The following TMPRSS3 variants were observed in gnomAD, a reference collection of about 807,000 sequenced individuals.
The protein encoded by TMPRSS3 is transmembrane serine protease 3, also known as transmembrane protease serine 3.
A neutral mutation model predicts 59.6 loss-of-function variants in TMPRSS3; 55 were observed. The observed-to-expected ratio is 0.92, with a 90% confidence interval of 0.74 to 1.16. The LOEUF is 1.16. Ranked by LOEUF, TMPRSS3 falls within the 50% of genes most tolerant of loss-of-function variation. TMPRSS3 has a pLI of 0.00. For synonymous variants in TMPRSS3, 257 were observed against 237.7 expected, an observed-to-expected ratio of 1.08 and a Z score of -0.75; for missense variants, 596 against 579.4, an observed-to-expected ratio of 1.03 and a Z score of -0.29.
intron 12 of TMPRSS3, among the ~76,000 whole-genome samples, chr21:42,374,012 T>C (rs1365786854): frequency 6.6e-6 from 1 of 152,200 alleles, no homozygotes; most frequent in Non-Finnish European, 1.5e-5. Flanking sequence ...AAGGCCTCCA[T>C]GTACTGCAGA....
In TMPRSS3 at chr21:42,388,477, C is replaced by T. The variant is rs141682398; in HGVS notation, c.372G>A (p.Ser124=). The T allele has an allele frequency of 8.8e-5, 142 of 1,614,216 alleles. No individual in the cohort carries two copies. The highest frequency in any genetic ancestry group is 1.6e-4 in the Middle Eastern group (1 of 6,062). Residue 124 remains serine (S), a synonymous_variant, in exon 5 of 13, where the codon TCG becomes TCA. Coordinates refer to ENST00000644384, the MANE Select transcript of TMPRSS3 (RefSeq NM_001256317.3). The surrounding 1 kb of genome is among the most constrained non-coding windows in gnomAD (Gnocchi z 5.1). ...NAVLQVFTAA[S]WKTMCSDDWK... is the part of the protein sequence containing the mutation. The stretch of plus-strand genomic sequence containing the variant: ...AGTCATCGGAGCACATGGTCTTCCA[C>T]GAAGCAGCTGTGAACACCTGGAGCA...
intron 12 of TMPRSS3, among the ~76,000 whole-genome samples, chr21:42,373,679 G>A (rs2052373117): frequency 1.3e-5 from 2 of 152,216 alleles, no homozygotes; most frequent in African/African-American, 2.4e-5. Context: ...GTCACACTGG[G>A]GCCACGTCGG....
In TMPRSS3 at chr21:42,372,684, C is replaced by G. The variant is rs1211097106; in HGVS notation, c.*78G>C. ...AAGGGTGTCTGCTCGTGTGCAGGTTCCTACACGGGAGTCCAGGGGAGGATC... is the reference window on the plus strand; with the variant it reads ...AAGGGTGTCTGCTCGTGTGCAGGTTGCTACACGGGAGTCCAGGGGAGGATC... On this transcript the variant is annotated 3_prime_UTR_variant, in exon 13 of 13. Transcript: ENST00000644384. The G allele has an allele frequency of 6.6e-7, 1 of 1,504,254 alleles. No individual in the cohort carries two copies. 93.2% of individuals were successfully genotyped at this position (1,504,254 alleles called of 1,614,324 possible).
At chr21:42,386,780 AT>A (rs60370949) in intron 5 of TMPRSS3, among the ~76,000 whole-genome samples, 60,680 of 135,590 alleles carry the variant, frequency 0.45, 13,441 homozygotes, top group African/African-American at 0.65. Context: ...TCCTTTGGTT[AT>A]TTATTTATTT....
At chr21:42,395,546 A>G (rs2052794030) in intron 1 of TMPRSS3, 78 bp from the exon 2 acceptor site, 4 of 841,422 alleles carry the variant, frequency 4.8e-6, no homozygotes, top group Admixed American at 2.0e-5. Context: ...TCATACGGTA[A>G]ATCTTTGAAA....
intron 10 of TMPRSS3, among the ~76,000 whole-genome samples, chr21:42,377,888 G>T (rs1214778063): frequency 1.3e-5 from 2 of 152,250 alleles, no homozygotes; most frequent in African/African-American, 4.8e-5. Context: ...CTTTTGCACT[G>T]GACAGAGCAG....
In TMPRSS3 at chr21:42,388,105, G is replaced by A. The variant is rs2052665297; in HGVS notation, c.446+298C>T. ...AGGAGCTGGAGGGTTTTTTGGTTTT[G>A]TTTTTGTTTTCTACTTTGAAACTTT... On this transcript the variant is annotated intron_variant, in intron 5 of 12. Transcript: ENST00000644384. This position sits in a 1 kb window ranked among gnomAD's most constrained non-coding sequence, Gnocchi z 5.1. Among the ~76,000 whole-genome samples the A allele has an allele frequency of 6.6e-6, 1 of 152,158 alleles. No homozygotes were observed. The highest frequency in any genetic ancestry group is 6.5e-5 in the Admixed American group (1 of 15,286).
At chr21:42,383,866 G>T in intron 7 of TMPRSS3, 104 bp downstream of exon 7, 1 of 1,254,214 alleles carries the variant, frequency 8.0e-7, no homozygotes, top group Non-Finnish European at 1.2e-6. Flanking sequence ...CACCCAGGAG[G>T]AAGGGATACA....
In TMPRSS3 at chr21:42,380,187, G is replaced by C. The variant is rs1430677131; in HGVS notation, c.978C>G (p.Pro326=). 5 of 1,613,952 alleles carry C rather than the reference G, an allele frequency of 3.1e-6. No homozygotes were observed. The African/African-American group carries it at 5.3e-5, about 17-fold the overall frequency. The change falls in exon 10 of 13, where the codon CCC becomes CCG. Residue 326 remains proline (P), a synonymous_variant. Transcript: ENST00000644384. The stretch of plus-strand genomic sequence containing the variant: ...CATCGGGGAAGTTCTCTTCAGAGTT[G>C]GGCAGGCACACAGGCTGGATCATTT... ...FNEMIQPVCL[P]NSEENFPDGK...
At chr21:42,382,760 G>T in intron 8 of TMPRSS3, 2 of 534,424 alleles carry the variant, frequency 3.7e-6, no homozygotes, top group South Asian at 2.0e-5. Flanking sequence ...TTTCATTTTT[G>T]TGGGTTTCCT....
intron 5 of TMPRSS3, 82 bp from the exon 6 acceptor site, chr21:42,385,616 A>G (rs1413469799): frequency 7.7e-6 from 12 of 1,551,752 alleles, no homozygotes; most frequent in Admixed American, 1.7e-5. Context: ...TCACAATATT[A>G]CAGGGATTGT....
intron 2 of TMPRSS3, among the ~76,000 whole-genome samples, chr21:42,394,419 CA>C (rs1439031292): frequency 4.6e-5 from 7 of 152,090 alleles, no homozygotes; most frequent in African/African-American, 4.8e-5. Flanking sequence ...CACATACGGG[CA>C]AAAGCAGGAA....
At chr21:42,385,893 G>A (rs1053402451) in intron 5 of TMPRSS3, among the ~76,000 whole-genome samples, 1 of 152,134 alleles carries the variant, frequency 6.6e-6, no homozygotes, top group African/African-American at 2.4e-5. Flanking sequence ...AGTCCAGAGG[G>A]GAGGTGAGCA....
chr21:42,380,512 G>A (rs1356019700), intron 9 of TMPRSS3, among the ~76,000 whole-genome samples: 3 of 152,356 alleles, frequency 2.0e-5, no homozygotes, highest in Non-Finnish European at 4.4e-5. Context: ...TTCGTGGGCT[G>A]TGCGGTCTCT....
chr21:42,373,014 G>A (rs917650819), intron 12 of TMPRSS3, among the ~76,000 whole-genome samples: 12 of 152,146 alleles, frequency 7.9e-5, no homozygotes, highest in African/African-American at 2.2e-4. Flanking sequence ...CGACAGTTCC[G>A]TCACTTCCGT....
chr21:42,393,014 C>T (rs771837209), intron 2 of TMPRSS3, among the ~76,000 whole-genome samples: 5 of 152,184 alleles, frequency 3.3e-5, no homozygotes, highest in African/African-American at 4.8e-5. Flanking sequence ...ATGCAAATGG[C>T]GCACAAGTAT....
Position 42,388,263 on chromosome 21 carries a change from C to G in TMPRSS3, c.446+140G>C. 1 of 1,158,660 alleles carries G rather than the reference C, an allele frequency of 8.6e-7. No homozygotes were observed. The highest frequency in any genetic ancestry group is 1.3e-6 in the Non-Finnish European group (1 of 790,944). The allele number at this position is 1,158,660 out of a possible 1,614,324, so 71.8% of individuals were successfully genotyped here. Reference sequence around the variant, plus strand: ...CTTGCCTGTGAAGTGAGGATGATATCGGGCATCCTAAGGTGGATGTGAGGA... The same window carrying G: ...CTTGCCTGTGAAGTGAGGATGATATGGGGCATCCTAAGGTGGATGTGAGGA... On this transcript the variant is annotated intron_variant, in intron 5 of 12. Coordinates refer to ENST00000644384, the MANE Select transcript of TMPRSS3 (RefSeq NM_001256317.3). The surrounding 1 kb of genome is among the most constrained non-coding windows in gnomAD (Gnocchi z 5.1).
intron 7 of TMPRSS3, chr21:42,383,485 C>G: frequency 1.8e-6 from 1 of 555,888 alleles, no homozygotes; most frequent in South Asian, 2.0e-5. Flanking sequence ...CCTATTCCCC[C>G]AGTGATGACA....
At position 42,375,857 on chromosome 21, in the gene TMPRSS3, C is replaced by T. The variant is rs1165268327; in HGVS notation, c.1203G>A (p.Gly401=). The change falls in exon 12 of 13, where the codon GGG becomes GGA. Residue 401 remains glycine, a synonymous_variant. Transcript: ENST00000644384. ...GGVDSCQGDS[G]GPLVCQERRL... ...TCCTCTCTTGACACACCAGGGGCCC[C>T]CCGCTGTCCCCCTGGGTGACAGGAA... The T allele has an allele frequency of 2.5e-6, 4 of 1,613,634 alleles. No individual in the cohort carries two copies. In the Admixed American group the frequency reaches 5.0e-5, roughly 20 times the overall value.
Sources: allele counts gnomAD v4.1 joint callset (sites outside exome capture counted in the v4.1 genomes callset), GRCh38; gene constraint gnomAD v4.1.1; non-coding constraint Gnocchi (gnomAD v3.1); transcripts MANE v1.5; gene names NCBI Gene and HGNC (gene_info 2026-07-23, HGNC 2026-07-21).